The following DHX15 variants were observed in gnomAD, a reference collection of about 807,000 sequenced individuals.
DHX15 encodes the protein DEAH-box helicase 15, also known as ATP-dependent RNA helicase DHX15.
A neutral mutation model predicts 94.4 loss-of-function variants in DHX15; 11 were observed. The observed-to-expected ratio is 0.12, with a 90% confidence interval of 0.07 to 0.19. DHX15 has a LOEUF of 0.19. DHX15 is among the 10% of genes least tolerant of loss of function. The pLI, the probability that DHX15 is intolerant of heterozygous loss-of-function variation, is 1.00. For synonymous variants in DHX15, 338 were observed against 329.9 expected (o/e 1.02, Z -0.27); for missense variants, 304 against 988.5 (o/e 0.31, Z 9.29).
At chr4:24,560,188 C>T (rs1166130436) in intron 3 of DHX15, among the ~76,000 whole-genome samples, 4 of 151,760 alleles carry the variant, frequency 2.6e-5, no homozygotes, top group East Asian at 3.9e-4. Flanking sequence ...ACATTACATC[C>T]TGCAAATATA....
intron 1 of DHX15, among the ~76,000 whole-genome samples, chr4:24,580,216 T>C (rs1054519326): frequency 2.0e-5 from 3 of 152,186 alleles, no homozygotes; most frequent in Non-Finnish European, 4.4e-5. Flanking sequence ...GAGACCAGCC[T>C]GAGCAATACA....
At chr4:24,534,899 C>CAT (rs533404348) in intron 11 of DHX15, among the ~76,000 whole-genome samples, 399 of 150,858 alleles carry the variant, frequency 2.6e-3, no homozygotes, top group Non-Finnish European at 4.5e-3. Flanking sequence ...TTTTCATATC[C>CAT]ATATATATAT....
chr4:24,576,081 G>A (rs1332276361), intron 2 of DHX15, among the ~76,000 whole-genome samples, 162 bp downstream of exon 2: 1 of 152,052 alleles, frequency 6.6e-6, no homozygotes, highest in Admixed American at 6.6e-5. Context: ...TTCTCTATAG[G>A]ATTTCCACTC....
At chr4:24,542,860 T>G in intron 7 of DHX15, 80 bp downstream of exon 7, 1 of 1,017,616 alleles carries the variant, frequency 9.8e-7, no homozygotes, top group Non-Finnish European at 1.5e-6. Context: ...TTCTGAAAGG[T>G]AAATTTTAGC....
At chr4:24,568,711 G>C (rs1722049404) in intron 3 of DHX15, among the ~76,000 whole-genome samples, 3 of 152,180 alleles carry the variant, frequency 2.0e-5, no homozygotes, top group Admixed American at 1.3e-4. Flanking sequence ...AATGCAATGT[G>C]AATCAAGTCA....
At chr4:24,573,622 A>T (rs1466051988) in intron 2 of DHX15, among the ~76,000 whole-genome samples, 2 of 152,088 alleles carry the variant, frequency 1.3e-5, no homozygotes, top group African/African-American at 4.8e-5. Flanking sequence ...TTTTTTTAAA[A>T]AAAAATCCTC....
chr4:24,581,297 G>GGATTA (rs1722411357), intron 1 of DHX15, among the ~76,000 whole-genome samples: 1 of 152,006 alleles, frequency 6.6e-6, no homozygotes, highest in African/African-American at 2.4e-5. Context: ...CAAAGTGCTG[G>GGATTA]GATTACAGGC....
intron 4 of DHX15, among the ~76,000 whole-genome samples, chr4:24,555,502 G>A (rs1224638967): frequency 6.6e-6 from 1 of 152,036 alleles, no homozygotes; most frequent in East Asian, 1.9e-4. Flanking sequence ...ACAAAAACAT[G>A]CTCAGGCCTC....
chr4:24,550,402 T>TGTA (rs1721570612), intron 5 of DHX15, among the ~76,000 whole-genome samples: 1 of 152,224 alleles, frequency 6.6e-6, no homozygotes, highest in Non-Finnish European at 1.5e-5. Flanking sequence ...CTGACTCTTG[T>TGTA]GTAGTAACAC....
rs928064532 is a variant in DHX15, at chr4:24,537,968, A to C, written c.1787-795T>G. On this transcript the variant is annotated intron_variant, in intron 10 of 13. Coordinates refer to ENST00000336812, the MANE Select transcript of DHX15 (RefSeq NM_001358.3). This position sits in a 1 kb window ranked among gnomAD's most constrained non-coding sequence, Gnocchi z 4.7. Reference sequence around the variant, plus strand: ...AAGTCCAATATTTCAAAAGTTGACAATTAGTCTGAAACAATCATATCAAGG... The same window carrying C: ...AAGTCCAATATTTCAAAAGTTGACACTTAGTCTGAAACAATCATATCAAGG... 1.3e-5 allele frequency: 2 copies of C among 152,204 alleles called. No homozygotes were observed. Among genetic ancestry groups the C allele is most frequent in the Admixed American group, 1.3e-4 (2 of 15,288 alleles). The allele number at this position is 152,204 out of a possible 1,614,324, so 9.4% of individuals were successfully genotyped here. A position where few individuals can be genotyped will look rare whatever the true frequency, so the allele number is the denominator to read the frequency against.
intron 4 of DHX15, among the ~76,000 whole-genome samples, 170 bp from the exon 5 acceptor site, chr4:24,555,113 A>G (rs922350387): frequency 1.3e-5 from 2 of 152,186 alleles, no homozygotes; most frequent in African/African-American, 4.8e-5. Flanking sequence ...CTATAGTAAA[A>G]GTTATTTACA....
chr4:24,567,319 C>T lies in DHX15; in HGVS notation c.701+3335G>A, dbSNP rs551563868. Among the ~76,000 whole-genome samples, 4 of 152,318 alleles carry T rather than the reference C, an allele frequency of 2.6e-5. No homozygotes were observed. The South Asian group carries it at 8.3e-4, about 32-fold the overall frequency. On this transcript the variant is annotated intron_variant, in intron 3 of 13. Coordinates refer to ENST00000336812, the MANE Select transcript of DHX15 (RefSeq NM_001358.3). ...CCAGGCTGGGCGTGGTGGCGGCTGC[C>T]TGTAATCCCAGCACTTTGGGAGGCA...
In DHX15 at chr4:24,542,886, T is replaced by C. The variant is rs1394999250; in HGVS notation, c.1335+54A>G. 8.4e-6 allele frequency: 11 copies of C among 1,305,770 alleles called. No individual in the cohort carries two copies. In the Middle Eastern group the frequency reaches 5.5e-4, roughly 65 times the overall value. The allele number at this position is 1,305,770 out of a possible 1,614,324, so 80.9% of individuals were successfully genotyped here. A position where few individuals can be genotyped will look rare whatever the true frequency, so the allele number is the denominator to read the frequency against. On this transcript the variant is annotated intron_variant, in intron 7 of 13. Transcript: ENST00000336812. ...AAATTTTAGCCATTAAATGAATTGG[T>C]TGTAAGTACTGTTAAACCAACTCTA...
At position 24,554,671 on chromosome 4, in the gene DHX15, C is replaced by T. The variant is rs1721688665; in HGVS notation, c.1080+54G>A. 15 of 1,324,772 alleles carry T rather than the reference C, an allele frequency of 1.1e-5. No individual in the cohort carries two copies. The South Asian group carries it at 1.9e-4, about 17-fold the overall frequency. 82.1% of individuals were successfully genotyped at this position (1,324,772 alleles called of 1,614,324 possible). A position where few individuals can be genotyped will look rare whatever the true frequency, so the allele number is the denominator to read the frequency against. ...CATGTTCTTATGATTAAGGTTGCTG[C>T]ATATTAGAAACAGTATGTCAAAAGC... is the stretch of plus-strand genomic sequence containing the variant. On this transcript the variant is annotated intron_variant, in intron 5 of 13. Transcript: ENST00000336812.
At chr4:24,559,375 T>TTA (rs1721812619) in intron 3 of DHX15, among the ~76,000 whole-genome samples, 1 of 93,366 alleles carries the variant, frequency 1.1e-5, no homozygotes, top group Non-Finnish European at 2.3e-5. Context: ...TTTAAGCCAC[T>TTA]AAAAAAAAAA....
At chr4:24,545,915 T>G (rs1364725689) in intron 6 of DHX15, among the ~76,000 whole-genome samples, 2 of 152,182 alleles carry the variant, frequency 1.3e-5, no homozygotes, top group Non-Finnish European at 2.9e-5. Context: ...GACCCTATGG[T>G]GAAAAGCTTG....
chr4:24,540,836 A>C lies in DHX15; in HGVS notation c.1594+4T>G. On this transcript the variant is annotated splice_donor_region_variant and intron_variant, in intron 9 of 13. Coordinates refer to ENST00000336812, the MANE Select transcript of DHX15 (RefSeq NM_001358.3). ...TGATAAAAATGTGTTTTGATAAGTCATACCTGGTGGATCCATAAAATCAAA... is the reference window on the plus strand; with the variant it reads ...TGATAAAAATGTGTTTTGATAAGTCCTACCTGGTGGATCCATAAAATCAAA... The C allele has an allele frequency of 6.6e-7, 1 of 1,519,256 alleles. No individual in the cohort carries two copies. The highest frequency in any genetic ancestry group is 9.1e-7 in the Non-Finnish European group (1 of 1,099,624). The allele number at this position is 1,519,256 out of a possible 1,614,324, so 94.1% of individuals were successfully genotyped here. A position where few individuals can be genotyped will look rare whatever the true frequency, so the allele number is the denominator to read the frequency against.
At chr4:24,572,300 A>C (rs1299647643) in intron 2 of DHX15, among the ~76,000 whole-genome samples, 1 of 152,040 alleles carries the variant, frequency 6.6e-6, no homozygotes, top group Non-Finnish European at 1.5e-5. Context: ...ACGCCTGGCT[A>C]ATTTTTTGTA....
chr4:24,551,080 C>A (rs988738008), intron 5 of DHX15, among the ~76,000 whole-genome samples: 1 of 151,924 alleles, frequency 6.6e-6, no homozygotes, highest in Non-Finnish European at 1.5e-5. Context: ...CAAGAGGAGA[C>A]ATAATGAATA....
Sources: allele counts gnomAD v4.1 joint callset (sites outside exome capture counted in the v4.1 genomes callset), GRCh38; gene constraint gnomAD v4.1.1; non-coding constraint Gnocchi (gnomAD v3.1); transcripts MANE v1.5; gene names NCBI Gene and HGNC (gene_info 2026-07-23, HGNC 2026-07-21).